The following CELF2 variants were observed in gnomAD, a reference collection of about 807,000 sequenced individuals.
CELF2 encodes the protein CUG triplet repeat RNA-binding protein 2.
CELF2 carries 8 observed loss-of-function variants against 62.6 expected under a neutral mutation model. That is an observed-to-expected ratio of 0.13 (90% CI 0.07 to 0.23). The LOEUF is 0.23. Among genes scored for constraint, CELF2 ranks in the 10% least tolerant of loss-of-function variants. The pLI, the probability that CELF2 is intolerant of heterozygous loss-of-function variation, is 1.00. For missense variants in CELF2, 333 were observed against 671.0 expected (o/e 0.50, Z 5.56); for synonymous variants, 258 against 250.0 (o/e 1.03, Z -0.30).
intron 1 of CELF2, among the ~76,000 whole-genome samples, chr10:10,832,678 C>A (rs2057966881): frequency 6.6e-6 from 1 of 152,174 alleles, no homozygotes; most frequent in Non-Finnish European, 1.5e-5. Context: ...AAATCCCATA[C>A]CGGATCCATT....
intron 1 of CELF2, among the ~76,000 whole-genome samples, chr10:11,052,402 C>T (rs1199461733): frequency 1.3e-5 from 2 of 152,116 alleles, no homozygotes; most frequent in Non-Finnish European, 2.9e-5. Flanking sequence ...GATGCAGACA[C>T]CTGAGATTGA....
the CELF2 span, among the ~76,000 whole-genome samples, chr10:10,620,533 G>A: frequency 6.6e-6 from 1 of 151,328 alleles, no homozygotes; most frequent in Admixed American, 6.6e-5. Flanking sequence ...GTTCCTATCT[G>A]GCCCTATGCA....
the CELF2 span, among the ~76,000 whole-genome samples, chr10:10,761,268 G>A: frequency 6.6e-6 from 1 of 152,184 alleles, no homozygotes; most frequent in Non-Finnish European, 1.5e-5. Context: ...AGTTGAATGA[G>A]TTGTGTCATT....
At chr10:11,133,075 C>T (rs903111319) in intron 1 of CELF2, among the ~76,000 whole-genome samples, 4 of 152,154 alleles carry the variant, frequency 2.6e-5, no homozygotes, top group Non-Finnish European at 5.9e-5. Context: ...AGCTTAAAGA[C>T]AGCTGTAGTA....
rs540128432 is a variant in CELF2 at position 11,172,923 on chromosome 10, T to G, written c.271+7241T>G. Among the ~76,000 whole-genome samples the G allele has an allele frequency of 8.5e-5, 13 of 152,292 alleles. No individual in the cohort carries two copies. In the South Asian group the frequency reaches 2.7e-3, roughly 32 times the overall value. Reference sequence around the variant, plus strand: ...TGGATGAAAGGAGAACAGACTTCTTTGGTAGAAATGTGACATGAAAAGAAA... The same window carrying G: ...TGGATGAAAGGAGAACAGACTTCTTGGGTAGAAATGTGACATGAAAAGAAA... On this transcript the variant is annotated intron_variant, in intron 2 of 12. Transcript: ENST00000633077.
the CELF2 span, among the ~76,000 whole-genome samples, chr10:10,695,520 G>A: frequency 3.4e-4 from 51 of 151,008 alleles, no homozygotes; most frequent in African/African-American, 8.5e-4. Flanking sequence ...TCTTTGTGGC[G>A]TTGTCTGTAT....
At chr10:10,932,945 T>C (rs2066238129) in intron 2 of CELF2, among the ~76,000 whole-genome samples, 1 of 152,066 alleles carries the variant, frequency 6.6e-6, no homozygotes, top group African/African-American at 2.4e-5. Flanking sequence ...ATTAGAAAAG[T>C]AGATAGAAGC....
chr10:11,319,777 C>T lies in CELF2; in HGVS notation c.1097-1412C>T, dbSNP rs1305929572. 1 of 470,930 alleles carries T rather than the reference C, an allele frequency of 2.1e-6. No individual in the cohort carries two copies. Among genetic ancestry groups the T allele is most frequent in the Admixed American group, 2.3e-5 (1 of 42,560 alleles). The allele number at this position is 470,930 out of a possible 1,614,324, so 29.2% of individuals were successfully genotyped here. A position where few individuals can be genotyped will look rare whatever the true frequency, so the allele number is the denominator to read the frequency against. On this transcript the variant is annotated intron_variant, in intron 10 of 12. Transcript: ENST00000633077. The surrounding 1 kb of genome is among the most constrained non-coding windows in gnomAD (Gnocchi z 4.4). ...ACAGTCCTCCACTGTTAAGCTATAG[C>T]CTAATTCATATCTTACATGTGTCCT...
At chr10:10,512,401 CTTTT>C in the CELF2 span, among the ~76,000 whole-genome samples, 1 of 109,144 alleles carries the variant, frequency 9.2e-6, no homozygotes, top group Non-Finnish European at 1.8e-5. Flanking sequence ...TTTTGGAACG[CTTTT>C]TTTTTTTTTT....
chr10:10,964,389 C>T (rs1397946477), intron 2 of CELF2, among the ~76,000 whole-genome samples: 1 of 152,178 alleles, frequency 6.6e-6, no homozygotes, highest in Non-Finnish European at 1.5e-5. Flanking sequence ...GGTGTTTTAA[C>T]ACTTTTGACC....
At chr10:10,730,292 G>A in the CELF2 span, among the ~76,000 whole-genome samples, 1 of 152,104 alleles carries the variant, frequency 6.6e-6, no homozygotes, top group African/African-American at 2.4e-5. Context: ...GCCTGGCCAA[G>A]ATGGTGAAAC....
the CELF2 span, among the ~76,000 whole-genome samples, chr10:10,673,376 G>A: frequency 5.9e-3 from 894 of 152,198 alleles, 3 homozygotes; most frequent in Non-Finnish European, 8.2e-3. Flanking sequence ...GAGATCTGAA[G>A]TAATAAACCC....
chr10:10,744,214 C>A, the CELF2 span, among the ~76,000 whole-genome samples: 5 of 152,164 alleles, frequency 3.3e-5, no homozygotes, highest in African/African-American at 1.2e-4. Flanking sequence ...ACACTCTCTT[C>A]TACACACAAA....
chr10:10,699,516 A>G, the CELF2 span, among the ~76,000 whole-genome samples: 5 of 152,362 alleles, frequency 3.3e-5, no homozygotes, highest in African/African-American at 1.2e-4. Context: ...ATAAGCGATC[A>G]TGAAAGCATT....
chr10:10,517,202 T>C, the CELF2 span, among the ~76,000 whole-genome samples: 1 of 152,204 alleles, frequency 6.6e-6, no homozygotes, highest in African/African-American at 2.4e-5. Flanking sequence ...AGGGTTATTC[T>C]GCATTCAATC....
the CELF2 span, among the ~76,000 whole-genome samples, chr10:10,711,086 G>A: frequency 6.6e-6 from 1 of 152,080 alleles, no homozygotes; most frequent in Admixed American, 6.6e-5. Flanking sequence ...CAGTGGTCCT[G>A]GCCTCTACCT....
Position 11,270,904 on chromosome 10 carries a change from A to G in CELF2, c.777+80A>G, listed in dbSNP as rs2083558621. 1 of 1,225,098 alleles carries G rather than the reference A, an allele frequency of 8.2e-7. No individual in the cohort carries two copies. Among genetic ancestry groups the G allele is most frequent in the African/African-American group, 1.6e-5 (1 of 64,432 alleles). 75.9% of individuals were successfully genotyped at this position (1,225,098 alleles called of 1,614,324 possible). On this transcript the variant is annotated intron_variant, in intron 7 of 12. Transcript: ENST00000633077. The surrounding 1 kb of genome is among the most constrained non-coding windows in gnomAD (Gnocchi z 5.8). Reference sequence around the variant, plus strand: ...ACTTTTCCCCTCCCTACGCTGAGGCATTTGTTTTCAGTACATTTTCAATCT... The same window carrying G: ...ACTTTTCCCCTCCCTACGCTGAGGCGTTTGTTTTCAGTACATTTTCAATCT...
At chr10:10,471,211 C>G in the CELF2 span, among the ~76,000 whole-genome samples, 4 of 151,740 alleles carry the variant, frequency 2.6e-5, no homozygotes, top group South Asian at 2.1e-4. Flanking sequence ...AATGAGTATT[C>G]CACAGTTATC....
the CELF2 span, among the ~76,000 whole-genome samples, chr10:10,637,217 T>C: frequency 3.9e-5 from 6 of 152,174 alleles, no homozygotes; most frequent in East Asian, 9.7e-4. Flanking sequence ...CCGCAAAAAT[T>C]TTGCAATCTA....
Sources: gnomAD v4.1 joint callset for allele counts (sites outside exome capture counted in the v4.1 genomes callset) on GRCh38, gnomAD v4.1.1 for gene constraint, Gnocchi (gnomAD v3.1) non-coding constraint, MANE v1.5 for transcripts, NCBI Gene and HGNC (gene_info 2026-07-23, HGNC 2026-07-21) for gene names.